PATJ: variants seen among roughly 807,000 people sequenced by gnomAD.
The protein encoded by PATJ is PATJ crumbs cell polarity complex component, also known as inaD-like protein.
PATJ carries 190 observed loss-of-function variants against 224.9 expected under a neutral mutation model. That is an observed-to-expected ratio of 0.84 (90% CI 0.75 to 0.95). PATJ has a LOEUF of 0.95. Among genes scored for constraint, PATJ ranks in the 40% least tolerant of loss-of-function variants. The pLI is 0.00. For synonymous variants in PATJ, 769 were observed against 820.3 expected, an observed-to-expected ratio of 0.94 and a Z score of 1.07; for missense variants, 2,121 against 2,270.3, an observed-to-expected ratio of 0.93 and a Z score of 1.34.
intron 30 of PATJ, among the ~76,000 whole-genome samples, chr1:62,045,283 A>T (rs1558087973): frequency 6.6e-6 from 1 of 152,174 alleles, no homozygotes; most frequent in Non-Finnish European, 1.5e-5. Context: ...AACGAATTTA[A>T]CTTTTATTGA....
chr1:61,747,498 G>C (rs1370815757), intron 1 of PATJ, among the ~76,000 whole-genome samples: 1 of 152,178 alleles, frequency 6.6e-6, no homozygotes, highest in East Asian at 1.9e-4. Flanking sequence ...TGGCGAGGTT[G>C]AAAGAAAAGA....
intron 31 of PATJ, among the ~76,000 whole-genome samples, chr1:62,070,652 T>C (rs1657226769): frequency 6.6e-6 from 1 of 152,200 alleles, no homozygotes; most frequent in Admixed American, 6.5e-5. Flanking sequence ...ATTTTTTTAG[T>C]TCATTTTATA....
At chr1:62,050,253 C>T (rs1369213395) in intron 30 of PATJ, among the ~76,000 whole-genome samples, 1 of 151,628 alleles carries the variant, frequency 6.6e-6, no homozygotes, top group African/African-American at 2.4e-5. Context: ...ATACAAAAAA[C>T]AGTCAACTGA....
Position 61,797,142 on chromosome 1 carries a change from G to A in PATJ, c.1261-145G>A, listed in dbSNP as rs962441398. 9 of 854,492 alleles carry A rather than the reference G, an allele frequency of 1.1e-5. No homozygotes were observed. The Admixed American group carries it at 1.9e-4, about 18-fold the overall frequency. 52.9% of individuals were successfully genotyped at this position (854,492 alleles called of 1,614,324 possible). A position where few individuals can be genotyped will look rare whatever the true frequency, so the allele number is the denominator to read the frequency against. Reference sequence around the variant, plus strand: ...ACCCACCTTGACCTACCAAAGTGCTGGGATTACAGGCGTGAGCCACCACAC... The same window carrying A: ...ACCCACCTTGACCTACCAAAGTGCTAGGATTACAGGCGTGAGCCACCACAC... On this transcript the variant is annotated intron_variant, in intron 10 of 43. Coordinates refer to ENST00000642238, the MANE Select transcript of PATJ (RefSeq NM_001350145.3).
At chr1:62,084,407 G>T in intron 32 of PATJ, 108 bp from the exon 33 acceptor site, 1 of 1,166,748 alleles carries the variant, frequency 8.6e-7, no homozygotes, top group South Asian at 1.8e-5. Flanking sequence ...GGCAGGAAAA[G>T]AGTGCAGTGA....
chr1:62,116,593 A>G lies in PATJ; in HGVS notation c.4717A>G (p.Arg1573Gly). The G allele has an allele frequency of 6.2e-7, 1 of 1,613,928 alleles. No homozygotes were observed. The highest frequency in any genetic ancestry group is 8.5e-7 in the Non-Finnish European group (1 of 1,179,870). Residue 1573 changes from arginine (R) to glycine (G), a missense_variant, in exon 36 of 44, where the codon AGA becomes GGA. Physicochemically the swap from Arg to Gly is moderately radical, Grantham distance 125. Coordinates refer to ENST00000642238, the MANE Select transcript of PATJ (RefSeq NM_001350145.3). ...VKGGAADLDG[R>G]LIQGDQILSV... is the part of the protein sequence containing the mutation. ...AGGCGGAGCCGCAGACCTGGATGGG[A>G]GATTGATTCAGGGAGATCAGATCTT...
chr1:62,066,423 G>A (rs192941111), intron 31 of PATJ, among the ~76,000 whole-genome samples: 10 of 150,810 alleles, frequency 6.6e-5, no homozygotes, highest in East Asian at 1.9e-4. Flanking sequence ...ACACTCTGTC[G>A]CCCAGGTTGG....
chr1:62,013,774 A>G (rs1368357359), intron 28 of PATJ, among the ~76,000 whole-genome samples: 2 of 152,032 alleles, frequency 1.3e-5, no homozygotes, highest in Non-Finnish European at 2.9e-5. Context: ...CTCATTCCAA[A>G]CGTCATTTGT....
intron 15 of PATJ, 73 bp downstream of exon 15, chr1:61,823,152 T>G: frequency 6.7e-7 from 1 of 1,486,562 alleles, no homozygotes; most frequent in Non-Finnish European, 9.3e-7. Flanking sequence ...TCATCACAAA[T>G]CCCCTGAGTT....
At chr1:61,861,492 C>T (rs560711400) in intron 18 of PATJ, 59 bp from the exon 19 acceptor site, 1 of 789,642 alleles carries the variant, frequency 1.3e-6, no homozygotes, top group East Asian at 2.7e-5. Flanking sequence ...TCTCCCTCCC[C>T]TTGCTCCCCA....
chr1:62,121,075 T>C (rs1382363149), intron 37 of PATJ, 106 bp from the exon 38 acceptor site: 6 of 693,370 alleles, frequency 8.7e-6, no homozygotes, highest in Admixed American at 8.1e-5. Flanking sequence ...GATTTTCTGT[T>C]AGATGGTTAT....
At chr1:62,132,378 A>AAAGTAGCAC (rs1333943592) in intron 41 of PATJ, among the ~76,000 whole-genome samples, 1 of 152,160 alleles carries the variant, frequency 6.6e-6, no homozygotes, top group Non-Finnish European at 1.5e-5. Flanking sequence ...CACCTCTGTA[A>AAAGTAGCAC]TCCTGGCTGC....
chr1:62,121,340 A>AT (rs745886372), intron 38 of PATJ, 45 bp downstream of exon 38: 14 of 1,029,250 alleles, frequency 1.4e-5, no homozygotes, highest in African/African-American at 2.9e-5. Context: ...TGTTACCCAA[A>AT]TTAAAAAAAA....
chr1:61,893,796 AAAAG>A (rs1247364649), intron 22 of PATJ, among the ~76,000 whole-genome samples: 7 of 151,746 alleles, frequency 4.6e-5, no homozygotes, highest in African/African-American at 1.7e-4. Flanking sequence ...GAGAAAAAAA[AAAAG>A]AAGTGAATGC....
At chr1:61,991,743 A>G in intron 28 of PATJ, 1 of 984,246 alleles carries the variant, frequency 1.0e-6, no homozygotes, top group Non-Finnish European at 1.2e-6. Flanking sequence ...ATCATTACAT[A>G]AATAAAGTCA....
At chr1:61,922,741 G>A (rs529433550) in intron 26 of PATJ, among the ~76,000 whole-genome samples, 1 of 152,266 alleles carries the variant, frequency 6.6e-6, no homozygotes, top group South Asian at 2.1e-4. Context: ...CCCTATTGCT[G>A]GAATTTTGTC....
intron 17 of PATJ, among the ~76,000 whole-genome samples, chr1:61,848,695 A>G (rs1425180169): frequency 2.0e-5 from 3 of 152,070 alleles, no homozygotes; most frequent in South Asian, 2.1e-4. Context: ...GGATTACACT[A>G]TGCCCGGCCA....
chr1:61,802,260 AT>A (rs1230116233), intron 12 of PATJ, among the ~76,000 whole-genome samples: 3 of 152,072 alleles, frequency 2.0e-5, no homozygotes, highest in South Asian at 4.2e-4. Flanking sequence ...CACTGGGCTA[AT>A]TTTTGTATTT....
At chr1:61,788,643 A>G (rs1649105568) in intron 8 of PATJ, among the ~76,000 whole-genome samples, 1 of 152,070 alleles carries the variant, frequency 6.6e-6, no homozygotes, top group South Asian at 2.1e-4. Flanking sequence ...AAGCAAAGAA[A>G]TAAGTTTTTT....
Sources: allele counts gnomAD v4.1 joint callset (sites outside exome capture counted in the v4.1 genomes callset), GRCh38; gene constraint gnomAD v4.1.1; transcripts MANE v1.5; gene names NCBI Gene and HGNC (gene_info 2026-07-23, HGNC 2026-07-21).